Variants in SUCLG2 observed in about 807,000 individuals in gnomAD.
SUCLG2 encodes succinate-CoA ligase GDP-forming subunit beta.
In SUCLG2, 42 loss-of-function variants were observed where a neutral mutation model predicts 47.9. That is an observed-to-expected ratio of 0.88 (90% CI 0.69 to 1.14). The LOEUF (loss-of-function observed/expected upper bound fraction) is 1.14, where lower values mean the gene tolerates loss of function less well. Ranked by LOEUF, SUCLG2 falls within the 50% of genes most tolerant of loss-of-function variation. SUCLG2 has a pLI of 0.00. For missense variants in SUCLG2, 571 were observed against 525.9 expected (o/e 1.09, Z -0.84); for synonymous variants, 195 against 197.3 (o/e 0.99, Z 0.10).
intron 2 of SUCLG2, among the ~76,000 whole-genome samples, chr3:67,587,463 C>T (rs1407786127): frequency 6.6e-6 from 1 of 152,138 alleles, no homozygotes; most frequent in South Asian, 2.1e-4. Flanking sequence ...CTGCATTCAG[C>T]CTGGCTAATT....
intron 2 of SUCLG2, among the ~76,000 whole-genome samples, chr3:67,574,729 A>T (rs373336810): frequency 1.3e-5 from 2 of 152,232 alleles, no homozygotes; most frequent in African/African-American, 4.8e-5. Flanking sequence ...GTTAAAATTC[A>T]ACTTATAGAC....
chr3:67,393,587 G>T (rs991981716), intron 10 of SUCLG2, among the ~76,000 whole-genome samples: 2 of 152,322 alleles, frequency 1.3e-5, no homozygotes, highest in Admixed American at 6.5e-5. Flanking sequence ...TCCACCTTTG[G>T]GGGCAGGGCA....
intron 1 of SUCLG2, among the ~76,000 whole-genome samples, chr3:67,622,470 C>T (rs925828753): frequency 2.0e-5 from 3 of 152,142 alleles, no homozygotes; most frequent in East Asian, 1.9e-4. Context: ...TTATACTTTA[C>T]GTCTTTTATT....
At chr3:67,371,881 G>C (rs1701959996), downstream of SUCLG2, among the ~76,000 whole-genome samples, 1 of 152,118 alleles carries the variant, frequency 6.6e-6, no homozygotes, top group Non-Finnish European at 1.5e-5. Context: ...AATTCTCGGA[G>C]TTACAATGTT....
At chr3:67,462,570 A>G (rs1039388107) in intron 9 of SUCLG2, among the ~76,000 whole-genome samples, 26 of 152,210 alleles carry the variant, frequency 1.7e-4, no homozygotes, top group African/African-American at 6.3e-4. Context: ...GGAACGGGCT[A>G]GAGGCTCTGA....
At chr3:67,652,932 A>C (rs370721267) in intron 1 of SUCLG2, among the ~76,000 whole-genome samples, 23 of 152,382 alleles carry the variant, frequency 1.5e-4, no homozygotes, top group African/African-American at 5.3e-4. Flanking sequence ...AAGAATTTAC[A>C]GAAAAACACA....
chr3:67,620,508 G>A (rs1001893007), intron 1 of SUCLG2, among the ~76,000 whole-genome samples: 3 of 148,452 alleles, frequency 2.0e-5, no homozygotes, highest in Non-Finnish European at 4.4e-5. Context: ...CAGCTTGAAC[G>A]CAGGAGGCAG....
chr3:67,408,648 T>A (rs901485156), intron 9 of SUCLG2: 26 of 1,081,308 alleles, frequency 2.4e-5, no homozygotes, highest in Non-Finnish European at 2.7e-5. Flanking sequence ...ATTCTGTCTA[T>A]TCTCTTCTTC....
intron 9 of SUCLG2, among the ~76,000 whole-genome samples, chr3:67,405,060 AG>A (rs1400367360): frequency 6.6e-6 from 1 of 151,406 alleles, no homozygotes; most frequent in Non-Finnish European, 1.5e-5. Context: ...TTTTGGGAAC[AG>A]AGGCTTTTTC....
chr3:67,375,978 A>G (rs971760068), intron 10 of SUCLG2, 119 bp from the exon 11 acceptor site: 17 of 1,431,026 alleles, frequency 1.2e-5, no homozygotes, highest in Admixed American at 5.6e-5. Context: ...TGAATTAAAT[A>G]TAGGTTCTCA....
At chr3:67,585,927 A>G (rs1049023905) in intron 2 of SUCLG2, among the ~76,000 whole-genome samples, 15 of 138,830 alleles carry the variant, frequency 1.1e-4, no homozygotes, top group African/African-American at 3.8e-4. Flanking sequence ...AGATCATGCC[A>G]CTGCACTCCA....
intron 4 of SUCLG2, among the ~76,000 whole-genome samples, chr3:67,524,459 A>G (rs1204592155): frequency 1.3e-5 from 2 of 152,210 alleles, no homozygotes; most frequent in African/African-American, 4.8e-5. Context: ...CAGAGCAGTA[A>G]CCACTATTGG....
chr3:67,630,609 G>A (rs1403527395), intron 1 of SUCLG2, among the ~76,000 whole-genome samples: 1 of 152,136 alleles, frequency 6.6e-6, no homozygotes, highest in Non-Finnish European at 1.5e-5. Flanking sequence ...TGCTCGCAAG[G>A]CACTCCTAGT....
At chr3:67,462,853 T>C (rs1194023255) in intron 9 of SUCLG2, among the ~76,000 whole-genome samples, 1 of 152,156 alleles carries the variant, frequency 6.6e-6, no homozygotes, top group Non-Finnish European at 1.5e-5. Flanking sequence ...TGAGATTATC[T>C]CCAGGTGGAG....
At chr3:67,418,518 C>G (rs184637764) in intron 9 of SUCLG2, among the ~76,000 whole-genome samples, 1 of 152,184 alleles carries the variant, frequency 6.6e-6, no homozygotes, top group Non-Finnish European at 1.5e-5. Context: ...AGTAAGGCAA[C>G]TTCCTAATCC....
chr3:67,460,307 C>G (rs1704300810), intron 9 of SUCLG2, among the ~76,000 whole-genome samples: 1 of 152,148 alleles, frequency 6.6e-6, no homozygotes. Flanking sequence ...ACAATAATCA[C>G]ATGATAGTAC....
At chr3:67,535,269 G>A (rs185260972) in intron 2 of SUCLG2, among the ~76,000 whole-genome samples, 219 of 152,184 alleles carry the variant, frequency 1.4e-3, no homozygotes, top group African/African-American at 4.1e-3. Flanking sequence ...ATTTATTATA[G>A]GAATCGAAGC....
At chr3:67,601,348 T>G (rs188179995) in intron 2 of SUCLG2, among the ~76,000 whole-genome samples, 1 of 152,312 alleles carries the variant, frequency 6.6e-6, no homozygotes, top group African/African-American at 2.4e-5. Context: ...TTTTGTAATT[T>G]TCTGTATTTT....
chr3:67,563,522 T>G (rs1330122498), intron 2 of SUCLG2, among the ~76,000 whole-genome samples: 1 of 152,150 alleles, frequency 6.6e-6, no homozygotes, highest in African/African-American at 2.4e-5. Context: ...CTGTTCCCTA[T>G]ACACTGACCT....
Sources: gnomAD v4.1 joint callset for allele counts (sites outside exome capture counted in the v4.1 genomes callset) on GRCh38, gnomAD v4.1.1 for gene constraint, MANE v1.5 for transcripts, NCBI Gene and HGNC (gene_info 2026-07-23, HGNC 2026-07-21) for gene names.